The following NHS variants were observed in gnomAD, a reference collection of about 807,000 sequenced individuals.
NHS encodes the protein NHS actin remodeling regulator, also known as actin remodeling regulator NHS.
A neutral mutation model predicts 72.5 loss-of-function variants in NHS; 5 were observed. The observed-to-expected ratio is 0.07, with a 90% confidence interval of 0.04 to 0.14. The LOEUF is 0.14. Ranked by LOEUF, NHS falls within the 10% of genes least tolerant of loss-of-function variation. The pLI, the probability that NHS is intolerant of heterozygous loss-of-function variation, is 1.00. For missense variants in NHS, 1,072 were observed against 1,355.7 expected (o/e 0.79, Z 3.29); for synonymous variants, 464 against 547.7 (o/e 0.85, Z 2.13).
chrX:17,430,224 C>G (rs2064682525), intron 1 of NHS, among the ~76,000 whole-genome samples: 1 of 76,170 alleles, frequency 1.3e-5, no homozygotes, highest in Non-Finnish European at 2.5e-5. Context: ...TTGCTTCCTT[C>G]CTTCCTTCCC....
intron 1 of NHS, among the ~76,000 whole-genome samples, chrX:17,576,746 C>T (rs902051161): frequency 9.0e-5 from 10 of 111,366 alleles, no homozygotes; most frequent in Non-Finnish European, 1.3e-4. Context: ...GATAAACACA[C>T]GATTGTTTTC....
At chrX:17,491,514 C>T (rs1410678760) in intron 1 of NHS, among the ~76,000 whole-genome samples, 4 of 111,261 alleles carry the variant, frequency 3.6e-5, no homozygotes, top group East Asian at 5.6e-4. Flanking sequence ...CTGCTGGATT[C>T]GGTTTGCCAG....
chrX:17,709,406 G>A (rs2066315673), intron 3 of NHS, among the ~76,000 whole-genome samples: 1 of 111,369 alleles, frequency 9.0e-6, no homozygotes, highest in African/African-American at 3.3e-5. Flanking sequence ...GGTTCATATT[G>A]TCCTGATTGG....
At chrX:17,430,075 TTTCC>T (rs749084714) in intron 1 of NHS, among the ~76,000 whole-genome samples, 3,903 of 96,108 alleles carry the variant, frequency 0.041, 222 homozygotes, top group African/African-American at 0.13. Flanking sequence ...TGCACATATT[TTTCC>T]TTCCTTCCTT....
At chrX:17,701,970 C>T (rs1209526618) in intron 3 of NHS, among the ~76,000 whole-genome samples, 5 of 110,851 alleles carry the variant, frequency 4.5e-5, no homozygotes, top group East Asian at 5.7e-4. Context: ...TCAAAACATG[C>T]GTTATAATGA....
At chrX:17,659,722 T>C (rs2065973852) in intron 1 of NHS, among the ~76,000 whole-genome samples, 1 of 112,531 alleles carries the variant, frequency 8.9e-6, no homozygotes, top group Admixed American at 9.4e-5. Flanking sequence ...TAATCACTTA[T>C]AATCAGGCAA....
At chrX:17,621,978 G>A (rs1363456308) in intron 1 of NHS, among the ~76,000 whole-genome samples, 1 of 112,204 alleles carries the variant, frequency 8.9e-6, no homozygotes, top group African/African-American at 3.2e-5. Context: ...TGAATTGGGA[G>A]TTGGAGCTTG....
chrX:17,484,209 C>G (rs2064958265), intron 1 of NHS, among the ~76,000 whole-genome samples: 1 of 112,281 alleles, frequency 8.9e-6, no homozygotes, highest in Non-Finnish European at 1.9e-5. Context: ...TTCTTTGTCC[C>G]TCATGTGTTC....
In NHS at chrX:17,481,138, G is replaced by A. The variant is rs944286176; in HGVS notation, c.565+104816G>A. On this transcript the variant is annotated intron_variant, in intron 1 of 8. Transcript: ENST00000676302. ...CTTCTTGCTGGTATGGGTTATAACC[G>A]TCTTACTGCAGTGCAAACCTCCTAT... 5.4e-5 allele frequency among the ~76,000 whole-genome samples: 6 copies of A among 111,897 alleles called. No homozygotes were observed. In the South Asian group the frequency reaches 1.5e-3, roughly 28 times the overall value.
At chrX:17,389,752 C>A (rs1486974628) in intron 1 of NHS, among the ~76,000 whole-genome samples, 1 of 109,602 alleles carries the variant, frequency 9.1e-6, no homozygotes, top group Non-Finnish European at 1.9e-5. Flanking sequence ...TGGGTGCCTG[C>A]CACCACGCCC....
intron 1 of NHS, among the ~76,000 whole-genome samples, chrX:17,569,706 C>T (rs2065465089): frequency 9.0e-6 from 1 of 111,589 alleles, no homozygotes; most frequent in Non-Finnish European, 1.9e-5. Flanking sequence ...GCTTTTGTTG[C>T]CATTGCTTTT....
chrX:17,735,472 T>A lies in NHS; in HGVS notation c.*3008T>A, dbSNP rs181818343. On this transcript the variant is annotated 3_prime_UTR_variant, in exon 9 of 9. Transcript: ENST00000676302. ...GTGTAGGGGAAATTTTTTCATTTTT[T>A]AAAAATTCTACTTTGGTTTTGTTGT... 0.061 allele frequency: 6,928 copies of A among 112,737 alleles called. 423 individuals carry two copies. Among genetic ancestry groups the A allele is most frequent in the African/African-American group, 0.18 (5,612 of 30,775 alleles). 9.3% of individuals were successfully genotyped at this position (112,737 alleles called of 1,213,427 possible). A position where few individuals can be genotyped will look rare whatever the true frequency, so the allele number is the denominator to read the frequency against.
chrX:17,435,437 C>G (rs781768123), intron 1 of NHS, among the ~76,000 whole-genome samples: 1 of 111,901 alleles, frequency 8.9e-6, no homozygotes, highest in South Asian at 3.8e-4. Flanking sequence ...TTCCCAGGCA[C>G]TCTTTCCTGT....
intron 1 of NHS, among the ~76,000 whole-genome samples, chrX:17,427,851 G>A (rs949227230): frequency 3.6e-5 from 4 of 112,143 alleles, no homozygotes; most frequent in African/African-American, 6.5e-5. Flanking sequence ...TTTTCTAATC[G>A]TAAGTTGAAT....
Position 17,425,151 on chromosome X carries a change from A to G in NHS, c.565+48829A>G, listed in dbSNP as rs778786372. ...TGGTCTTTATTCTTCTCCATGTCTGAAACTGAGTTCCTTGGATTCCCTTCT... is the reference window on the plus strand; with the variant it reads ...TGGTCTTTATTCTTCTCCATGTCTGGAACTGAGTTCCTTGGATTCCCTTCT... On this transcript the variant is annotated intron_variant, in intron 1 of 8. Coordinates refer to ENST00000676302, the MANE Select transcript of NHS (RefSeq NM_001291867.2). Among the ~76,000 whole-genome samples, 2 of 112,024 alleles carry G rather than the reference A, an allele frequency of 1.8e-5. 1 individual carries two copies. Among genetic ancestry groups the G allele is most frequent in the African/African-American group, 6.5e-5 (2 of 30,876 alleles).
At position 17,595,834 on chromosome X, in the gene NHS, G is replaced by A. The variant is rs190622123; in HGVS notation, c.566-91908G>A. Among the ~76,000 whole-genome samples the A allele has an allele frequency of 4.5e-4, 50 of 111,967 alleles. 1 individual carries two copies. In the East Asian group the frequency reaches 0.011, roughly 25 times the overall value. On this transcript the variant is annotated intron_variant, in intron 1 of 8. Transcript: ENST00000676302. ...CAATTACTCAACAGCTATGCCAGTG[G>A]GTAAATATTTACTTATCATCTATTC...
chrX:17,605,478 T>C lies in NHS; in HGVS notation c.566-82264T>C, dbSNP rs1165089328. ...GGTAGCTTCGTTAACTTAGATTTTC[T>C]TCTCTTTCTTTGGGGCTCATAATGT... On this transcript the variant is annotated intron_variant, in intron 1 of 8. Transcript: ENST00000676302. 1.8e-5 allele frequency among the ~76,000 whole-genome samples: 2 copies of C among 111,457 alleles called. 1 individual carries two copies. The highest frequency in any genetic ancestry group is 3.8e-5 in the Non-Finnish European group (2 of 53,032).
chrX:17,713,169 C>T (rs2066345120), intron 3 of NHS, among the ~76,000 whole-genome samples: 1 of 111,759 alleles, frequency 8.9e-6, no homozygotes, highest in Admixed American at 9.5e-5. Context: ...AAGGCATTGT[C>T]AGGCTTCTTG....
intron 1 of NHS, among the ~76,000 whole-genome samples, chrX:17,446,707 TC>T (rs2064782887): frequency 9.0e-6 from 1 of 110,501 alleles, no homozygotes; most frequent in Non-Finnish European, 1.9e-5. Flanking sequence ...AATCTCCAAC[TC>T]TGTCACCCAG....
Sources: allele counts gnomAD v4.1 joint callset (sites outside exome capture counted in the v4.1 genomes callset), GRCh38; gene constraint gnomAD v4.1.1; transcripts MANE v1.5; gene names NCBI Gene and HGNC (gene_info 2026-07-23, HGNC 2026-07-21).